Variants in MON2 observed in about 807,000 individuals in gnomAD.
MON2 encodes protein MON2 homolog.
Under a neutral mutation model 208.6 loss-of-function variants are expected in MON2, and 84 were observed. The ratio of observed to expected loss-of-function variants is 0.40; its 90% CI spans 0.34 to 0.48. MON2 has a LOEUF of 0.48. MON2 is among the 20% of genes least tolerant of loss of function. MON2 has a pLI of 0.59. For synonymous variants in MON2, 660 were observed against 694.0 expected (o/e 0.95, Z 0.77); for missense variants, 1,611 against 2,015.4 (o/e 0.80, Z 3.84).
intron 4 of MON2, among the ~76,000 whole-genome samples, chr12:62,497,894 G>GCGTGAGC (rs1219690414): frequency 2.6e-5 from 4 of 152,074 alleles, no homozygotes; most frequent in African/African-American, 9.7e-5. Flanking sequence ...GGGTTTACAG[G>GCGTGAGC]CGTGAGCCAC....
chr12:62,472,858 T>C (rs2068864897), intron 1 of MON2, among the ~76,000 whole-genome samples: 1 of 152,226 alleles, frequency 6.6e-6, no homozygotes, highest in Non-Finnish European at 1.5e-5. Flanking sequence ...ATAAGCGTAA[T>C]ATAATATATT....
At chr12:62,477,493 A>C (rs2069152363) in intron 1 of MON2, among the ~76,000 whole-genome samples, 1 of 151,834 alleles carries the variant, frequency 6.6e-6, no homozygotes, top group Non-Finnish European at 1.5e-5. Flanking sequence ...CAGTGCAATC[A>C]CAACTCACTG....
chr12:62,473,204 G>A (rs2068882365), intron 1 of MON2, among the ~76,000 whole-genome samples: 1 of 152,178 alleles, frequency 6.6e-6, no homozygotes, highest in Admixed American at 6.5e-5. Flanking sequence ...ACTAGGCTTG[G>A]AACTTTGCAT....
chr12:62,503,457 T>A (rs1052828816), intron 7 of MON2, among the ~76,000 whole-genome samples: 3 of 152,242 alleles, frequency 2.0e-5, no homozygotes. Flanking sequence ...CTAACTGGTC[T>A]GCTTGCATAT....
At chr12:62,478,645 T>A (rs2069225285) in intron 1 of MON2, among the ~76,000 whole-genome samples, 1 of 152,248 alleles carries the variant, frequency 6.6e-6, no homozygotes, top group South Asian at 2.1e-4. Flanking sequence ...TATTTATATA[T>A]ACATGTAAAT....
At chr12:62,523,318 G>T (rs2072159287) in intron 8 of MON2, among the ~76,000 whole-genome samples, 1 of 152,142 alleles carries the variant, frequency 6.6e-6, no homozygotes, top group Non-Finnish European at 1.5e-5. Flanking sequence ...TGATTTCCCA[G>T]AAAGATGTAG....
At chr12:62,513,694 C>CACCTTTACTCCAGTT (rs1555165200) in intron 8 of MON2, among the ~76,000 whole-genome samples, 1 of 149,218 alleles carries the variant, frequency 6.7e-6, no homozygotes, top group Non-Finnish European at 1.5e-5. Context: ...CGCCTGTAAT[C>CACCTTTACTCCAGTT]CCAGCACTTT....
Position 62,516,663 on chromosome 12 carries a change from G to A in MON2, c.985-7852G>A, listed in dbSNP as rs1480941640. Reference sequence around the variant, plus strand: ...AGGTTGCGGCGAGCCAAGATTGTGCGATTGCACTCCAGGCTGGGCAACAAG... The same window carrying A: ...AGGTTGCGGCGAGCCAAGATTGTGCAATTGCACTCCAGGCTGGGCAACAAG... On this transcript the variant is annotated intron_variant, in intron 8 of 34. Coordinates refer to ENST00000393630, the MANE Select transcript of MON2 (RefSeq NM_015026.3). 3.3e-5 allele frequency among the ~76,000 whole-genome samples: 5 copies of A among 152,204 alleles called. No individual in the cohort carries two copies. The East Asian group carries it at 7.8e-4, about 24-fold the overall frequency.
intron 2 of MON2, 43 bp from the exon 3 acceptor site, chr12:62,493,872 A>T (rs916479571): frequency 7.5e-6 from 10 of 1,332,482 alleles, no homozygotes; most frequent in Admixed American, 2.7e-5. Context: ...TCTTAATTAT[A>T]GATTAATTTT....
chr12:62,514,397 A>G lies in MON2; in HGVS notation c.984+5917A>G, dbSNP rs188702845. On this transcript the variant is annotated intron_variant, in intron 8 of 34. Coordinates refer to ENST00000393630, the MANE Select transcript of MON2 (RefSeq NM_015026.3). ...ATAAAGGCATACCCAAGACTGGGCA[A>G]TTTACAAAATAAAGAAGATTAGTGG... 3.9e-5 allele frequency among the ~76,000 whole-genome samples: 6 copies of G among 152,326 alleles called. No homozygotes were observed. In the East Asian group the frequency reaches 1.2e-3, roughly 29 times the overall value.
intron 23 of MON2, 61 bp downstream of exon 23, chr12:62,549,891 G>A: frequency 9.0e-7 from 1 of 1,116,760 alleles, no homozygotes; most frequent in Non-Finnish European, 1.2e-6. Flanking sequence ...TCAGTTGGGA[G>A]TGAATGCTAA....
chr12:62,566,564 A>C lies in MON2; in HGVS notation c.4323+114A>C, dbSNP rs1029718526. ...ATAAATAGAAAATACAATTTGTAGT[A>C]TTATTTGTAATGACTTTTCTCCAAT... On this transcript the variant is annotated intron_variant, in intron 29 of 34. Transcript: ENST00000393630. The C allele has an allele frequency of 1.2e-5, 13 of 1,059,872 alleles. No individual in the cohort carries two copies. The African/African-American group carries it at 2.2e-4, about 18-fold the overall frequency. 65.7% of individuals were successfully genotyped at this position (1,059,872 alleles called of 1,614,324 possible).
chr12:62,481,207 T>C (rs2069406762), intron 1 of MON2, among the ~76,000 whole-genome samples: 1 of 152,148 alleles, frequency 6.6e-6, no homozygotes, highest in South Asian at 2.1e-4. Flanking sequence ...TACCGTATAT[T>C]GGAATCACGT....
chr12:62,548,600 A>G (rs911641769), intron 22 of MON2, among the ~76,000 whole-genome samples: 7 of 152,158 alleles, frequency 4.6e-5, no homozygotes, highest in African/African-American at 1.7e-4. Context: ...CTTTACTACA[A>G]AATATTGAGA....
chr12:62,553,294 C>G, intron 24 of MON2, 120 bp downstream of exon 24: 2 of 953,802 alleles, frequency 2.1e-6, no homozygotes, highest in South Asian at 3.7e-5. Flanking sequence ...GTGTATTTGA[C>G]AAAACAGGAA....
rs2074960562 is a variant in MON2, at chr12:62,580,400, C to T, written c.4679C>T (p.Ser1560Phe). The T allele has an allele frequency of 6.2e-7, 1 of 1,601,474 alleles. No homozygotes were observed. Among genetic ancestry groups the T allele is most frequent in the South Asian group, 1.1e-5 (1 of 89,660 alleles). The change falls in exon 32 of 35, where the codon TCT becomes TTT. Residue 1560 changes from serine (S) to phenylalanine (F), a missense_variant. Ser to Phe is a radical substitution (Grantham distance 155, BLOSUM62 -2). Transcript: ENST00000393630. The part of the protein sequence containing the change: ...MTMLNKGSIH[S>F]QSSSFTEAEI... Reference sequence around the variant, plus strand: ...ATGCTTAACAAGGGCTCAATACATTCTCAGTCATCTTCATTTACAGGTATG... The same window carrying T: ...ATGCTTAACAAGGGCTCAATACATTTTCAGTCATCTTCATTTACAGGTATG...
At chr12:62,519,588 T>A (rs1415161748) in intron 8 of MON2, among the ~76,000 whole-genome samples, 4 of 152,208 alleles carry the variant, frequency 2.6e-5, no homozygotes, top group African/African-American at 9.6e-5. Flanking sequence ...AAAAATTATT[T>A]TACGTTTTCC....
intron 1 of MON2, among the ~76,000 whole-genome samples, chr12:62,467,894 G>C (rs1352053883): frequency 2.0e-5 from 3 of 151,978 alleles, no homozygotes; most frequent in African/African-American, 7.3e-5. Flanking sequence ...TGGGCTTGCA[G>C]TCAGAGCGAA....
chr12:62,577,133 AAC>A (rs761412893), intron 30 of MON2, among the ~76,000 whole-genome samples: 144 of 152,160 alleles, frequency 9.5e-4, no homozygotes, highest in Non-Finnish European at 1.5e-3. Context: ...ATTAAAATTA[AAC>A]ACAACTTTTG....
Sources: allele counts gnomAD v4.1 joint callset (sites outside exome capture counted in the v4.1 genomes callset), GRCh38; gene constraint gnomAD v4.1.1; transcripts MANE v1.5; gene names NCBI Gene and HGNC (gene_info 2026-07-23, HGNC 2026-07-21).